RCBTB1: variants seen among roughly 807,000 people sequenced by gnomAD.
RCBTB1 encodes the protein RCC1 and BTB domain containing protein 1.
In RCBTB1, 46 loss-of-function variants were observed where a neutral mutation model predicts 62.4. That is an observed-to-expected ratio of 0.74 (90% CI 0.58 to 0.94). The LOEUF is 0.94. RCBTB1 is among the 40% of genes least tolerant of loss of function. The probability of loss-of-function intolerance (pLI) is 0.00; values close to 1 mark genes in which losing one functional copy is unlikely to be tolerated. For missense variants in RCBTB1, 565 were observed against 654.9 expected (o/e 0.86, Z 1.50); for synonymous variants, 222 against 245.8 (o/e 0.90, Z 0.91).
At chr13:49,574,150 A>G (rs12560813) in intron 2 of RCBTB1, among the ~76,000 whole-genome samples, 33,739 of 131,494 alleles carry the variant, frequency 0.26, 4,603 homozygotes, top group East Asian at 0.58. Flanking sequence ...ACAGAGTCTC[A>G]CTCTGTTGCC....
chr13:49,556,480 A>G (rs915764018), intron 5 of RCBTB1, among the ~76,000 whole-genome samples: 7 of 152,270 alleles, frequency 4.6e-5, no homozygotes, highest in Middle Eastern at 3.4e-3. Flanking sequence ...GTGAGCCACC[A>G]TGCCCAGCCT....
At chr13:49,581,613 G>A (rs1964104168) in intron 1 of RCBTB1, among the ~76,000 whole-genome samples, 1 of 152,186 alleles carries the variant, frequency 6.6e-6, no homozygotes, top group Non-Finnish European at 1.5e-5. Flanking sequence ...GTGAAATAAG[G>A]AGAGCAGAGT....
At chr13:49,565,119 A>T (rs1287773098) in intron 4 of RCBTB1, among the ~76,000 whole-genome samples, 1 of 151,964 alleles carries the variant, frequency 6.6e-6, no homozygotes, top group Non-Finnish European at 1.5e-5. Context: ...TCCCTGCCTG[A>T]TTCTCCTGCC....
At chr13:49,565,046 G>A (rs915077092) in intron 4 of RCBTB1, among the ~76,000 whole-genome samples, 10 of 150,416 alleles carry the variant, frequency 6.6e-5, no homozygotes, top group African/African-American at 2.5e-4. Flanking sequence ...CTCTTTCCAC[G>A]GTCTCCCTCT....
intron 4 of RCBTB1, 122 bp from the exon 5 acceptor site, chr13:49,560,206 C>A: frequency 9.6e-7 from 1 of 1,036,292 alleles, no homozygotes; most frequent in South Asian, 1.6e-5. Context: ...GCCCCCTCCT[C>A]TCTATTAAGT....
intron 9 of RCBTB1, among the ~76,000 whole-genome samples, chr13:49,548,915 C>T (rs2139166989): frequency 9.2e-6 from 1 of 108,760 alleles, no homozygotes; most frequent in Admixed American, 8.1e-5. Context: ...GGTGGATCAC[C>T]TGAGGTCAGG....
chr13:49,542,737 C>G (rs1007480851), intron 10 of RCBTB1, among the ~76,000 whole-genome samples: 28 of 151,154 alleles, frequency 1.9e-4, no homozygotes, highest in African/African-American at 6.6e-4. Flanking sequence ...TGTTCCCCTT[C>G]CTCTCTTCCC....
At chr13:49,573,494 G>C (rs1423543927) in intron 2 of RCBTB1, among the ~76,000 whole-genome samples, 2 of 143,380 alleles carry the variant, frequency 1.4e-5, no homozygotes, top group Non-Finnish European at 3.0e-5. Flanking sequence ...TGTTGCCCAA[G>C]CTGGAGTGCT....
chr13:49,555,478 G>C (rs377031516), intron 6 of RCBTB1, 37 bp downstream of exon 6: 2 of 1,554,650 alleles, frequency 1.3e-6, no homozygotes, highest in Non-Finnish European at 1.8e-6. Context: ...AATTGAAAAA[G>C]AAGGTAGAAA....
chr13:49,580,337 C>T (rs1346283094), intron 2 of RCBTB1, among the ~76,000 whole-genome samples, 168 bp downstream of exon 2: 1 of 152,134 alleles, frequency 6.6e-6, no homozygotes, highest in African/African-American at 2.4e-5. Context: ...GTAATCCCAG[C>T]ATTTTAGGAG....
chr13:49,574,693 A>G (rs1214274702), intron 2 of RCBTB1, among the ~76,000 whole-genome samples: 1 of 98,076 alleles, frequency 1.0e-5, no homozygotes, highest in Non-Finnish European at 2.6e-5. Context: ...TTAAAAAAAA[A>G]AAAAAACATT....
chr13:49,562,776 CTTTTTTTTTTTTTT>C (rs58896397), intron 4 of RCBTB1, among the ~76,000 whole-genome samples: 2 of 61,344 alleles, frequency 3.3e-5, no homozygotes, highest in Non-Finnish European at 6.6e-5. Context: ...CCATCCCCGG[CTTTTTTTTTTTTTT>C]TTTTTTTTTT....
rs796195932 is a variant in RCBTB1 at position 49,566,265 on chromosome 13, T to A, written c.277+353A>T. Among the ~76,000 whole-genome samples the A allele has an allele frequency of 6.8e-4, 60 of 88,414 alleles. No homozygotes were observed. The East Asian group carries it at 0.012, about 18-fold the overall frequency. 58.0% of individuals were successfully genotyped at this position (88,414 alleles called of 152,430 possible). A position where few individuals can be genotyped will look rare whatever the true frequency, so the allele number is the denominator to read the frequency against. The stretch of plus-strand genomic sequence containing the variant: ...CACCCAAGAATGATCAATAAAAAAA[T>A]AAAATAAAATAAATAAATAAATAAA... On this transcript the variant is annotated intron_variant, in intron 4 of 12. Transcript: ENST00000378302.
intron 2 of RCBTB1, among the ~76,000 whole-genome samples, chr13:49,568,914 C>A (rs185425243): frequency 6.6e-6 from 1 of 151,978 alleles, no homozygotes; most frequent in African/African-American, 2.4e-5. Context: ...GGTGACAGAG[C>A]GAGACTCTGT....
chr13:49,562,673 C>T (rs12017701), intron 4 of RCBTB1, among the ~76,000 whole-genome samples: 36,963 of 151,132 alleles, frequency 0.24, 5,838 homozygotes, highest in African/African-American at 0.44. Context: ...AGTGCAGTGG[C>T]GCAATCATAG....
Position 49,534,007 on chromosome 13 carries a change from A to G in RCBTB1, c.*115T>C. ...CAAACAACTGTGTCCCAGATGTGGA[A>G]AAAAACAACCTGATGGTCTTTTACC... is the stretch of plus-strand genomic sequence containing the variant. On this transcript the variant is annotated 3_prime_UTR_variant, in exon 13 of 13. Coordinates refer to ENST00000378302, the MANE Select transcript of RCBTB1 (RefSeq NM_018191.4). The G allele has an allele frequency of 8.3e-7, 1 of 1,199,150 alleles. No homozygotes were observed. The highest frequency in any genetic ancestry group is 1.2e-6 in the Non-Finnish European group (1 of 864,042). 74.3% of individuals were successfully genotyped at this position (1,199,150 alleles called of 1,614,324 possible). A position where few individuals can be genotyped will look rare whatever the true frequency, so the allele number is the denominator to read the frequency against.
intron 5 of RCBTB1, among the ~76,000 whole-genome samples, chr13:49,556,329 G>A (rs545594762): frequency 5.7e-4 from 87 of 151,564 alleles, no homozygotes; most frequent in African/African-American, 2.1e-3. Context: ...TAGCTGGGAC[G>A]ACAGGCGCCC....
intron 2 of RCBTB1, among the ~76,000 whole-genome samples, chr13:49,575,742 G>T (rs772782662): frequency 6.6e-6 from 1 of 152,086 alleles, no homozygotes; most frequent in South Asian, 2.1e-4. Context: ...CTACTACAGG[G>T]GCAGGGAGGG....
rs879848359 is a variant in RCBTB1, at chr13:49,544,524, T to C, written c.1172+213A>G. Among the ~76,000 whole-genome samples the C allele has an allele frequency of 5.3e-4, 80 of 152,058 alleles. 1 individual carries two copies. The highest frequency in any genetic ancestry group is 1.1e-3 in the Non-Finnish European group (75 of 68,014). Reference sequence around the variant, plus strand: ...AACACAAAAAACCAATATGGACAAATACTTAAATTCCTACATTACACTTTT... The same window carrying C: ...AACACAAAAAACCAATATGGACAAACACTTAAATTCCTACATTACACTTTT... On this transcript the variant is annotated intron_variant, in intron 10 of 12. Transcript: ENST00000378302.
Sources: gnomAD v4.1 joint callset for allele counts (sites outside exome capture counted in the v4.1 genomes callset) on GRCh38, gnomAD v4.1.1 for gene constraint, MANE v1.5 for transcripts, NCBI Gene and HGNC (gene_info 2026-07-23, HGNC 2026-07-21) for gene names.